The following CTBP2 variants were observed in gnomAD, a reference collection of about 807,000 sequenced individuals.
CTBP2 encodes the protein C-terminal binding protein 2.
In CTBP2, 30 loss-of-function variants were observed where a neutral mutation model predicts 80.3. The observed-to-expected ratio is 0.37, with a 90% CI of 0.28 to 0.51. CTBP2 has a LOEUF of 0.51. CTBP2 is among the 20% of genes least tolerant of loss of function. The pLI is 0.93. For synonymous variants in CTBP2, 594 were observed against 587.4 expected (o/e 1.01, Z -0.16); for missense variants, 1,212 against 1,375.3 (o/e 0.88, Z 1.88).
At chr10:125,074,253 C>T (rs946949828) in intron 2 of CTBP2, among the ~76,000 whole-genome samples, 2 of 152,192 alleles carry the variant, frequency 1.3e-5, no homozygotes, top group Non-Finnish European at 2.9e-5. Flanking sequence ...TAGCTCAGGG[C>T]AACAAGGATC....
chr10:125,146,117 AT>A (rs893753296), intron 1 of CTBP2, among the ~76,000 whole-genome samples: 1 of 152,092 alleles, frequency 6.6e-6, no homozygotes, highest in African/African-American at 2.4e-5. Context: ...AGAGACTAAA[AT>A]ATAATCTACA....
intron 2 of CTBP2, among the ~76,000 whole-genome samples, chr10:125,082,039 C>T (rs775942580): frequency 4.6e-5 from 7 of 152,200 alleles, no homozygotes; most frequent in South Asian, 2.1e-4. Flanking sequence ...GAATTCCACA[C>T]GGCCACAGTA....
At chr10:125,019,220 C>T (rs960047963) in intron 1 of CTBP2, among the ~76,000 whole-genome samples, 16 of 152,302 alleles carry the variant, frequency 1.1e-4, no homozygotes, top group Middle Eastern at 3.4e-3. Context: ...AAGCCAGCCT[C>T]AGAGTGGGAA....
chr10:125,138,678 A>C (rs1261115437), intron 1 of CTBP2, among the ~76,000 whole-genome samples: 10 of 152,064 alleles, frequency 6.6e-5, no homozygotes, highest in Non-Finnish European at 8.8e-5. Context: ...AAAAAAAAAA[A>C]AAAAACAGAC....
intron 1 of CTBP2, among the ~76,000 whole-genome samples, chr10:125,140,130 T>TC (rs1484637915): frequency 6.6e-6 from 1 of 151,952 alleles, no homozygotes; most frequent in Non-Finnish European, 1.5e-5. Context: ...AAGCTATGTA[T>TC]GTCTTTGGAG....
At chr10:124,996,439 G>A (rs1953587386) in intron 4 of CTBP2, 1 of 152,420 alleles carries the variant, frequency 6.6e-6, no homozygotes, top group African/African-American at 2.4e-5. Flanking sequence ...CACCTGGAAA[G>A]GGAACAAGGA....
At chr10:125,160,027 C>T (rs1207482449) in intron 1 of CTBP2, 1 of 150,068 alleles carries the variant, frequency 6.7e-6, no homozygotes, top group African/African-American at 2.5e-5. Context: ...CAACTCTCAT[C>T]ACAACAACAA....
intron 1 of CTBP2, among the ~76,000 whole-genome samples, chr10:125,011,326 T>A (rs1030800001): frequency 6.6e-6 from 1 of 152,086 alleles, no homozygotes; most frequent in African/African-American, 2.4e-5. Context: ...TCTGAATGAG[T>A]CACGATGTGA....
Position 124,994,700 on chromosome 10 carries a change from C to A in CTBP2, c.2186-17G>T. ...CCGTGCGACCTGTACAGAAACAGAG[C>A]GTCCAGGTGAGTGAGTCCACAGCCC... is the stretch of plus-strand genomic sequence containing the variant. On this transcript the variant is annotated splice_polypyrimidine_tract_variant and intron_variant, in intron 4 of 8. Transcript: ENST00000309035. The A allele has an allele frequency of 6.2e-7, 1 of 1,613,198 alleles. No individual in the cohort carries two copies. The highest frequency in any genetic ancestry group is 8.5e-7 in the Non-Finnish European group (1 of 1,179,180).
intron 1 of CTBP2, among the ~76,000 whole-genome samples, chr10:125,151,790 G>A (rs545028624): frequency 6.6e-6 from 1 of 152,294 alleles, no homozygotes; most frequent in African/African-American, 2.4e-5. Flanking sequence ...GGGGCCTCGC[G>A]GACCGGAGAG....
At chr10:125,033,966 A>G (rs3012074) in intron 3 of CTBP2, among the ~76,000 whole-genome samples, 60,243 of 151,918 alleles carry the variant, frequency 0.4, 13,347 homozygotes, top group East Asian at 0.63. Context: ...AAACTAGAAG[A>G]CGGTGATGAA....
intron 2 of CTBP2, among the ~76,000 whole-genome samples, chr10:125,065,534 G>T (rs1407136564): frequency 6.6e-6 from 1 of 152,114 alleles, no homozygotes; most frequent in Non-Finnish European, 1.5e-5. Flanking sequence ...CAGTATCAGG[G>T]AAATACCAAG....
chr10:125,132,671 G>A (rs533623664), intron 1 of CTBP2, among the ~76,000 whole-genome samples: 9 of 152,128 alleles, frequency 5.9e-5, no homozygotes, highest in Non-Finnish European at 1.3e-4. Context: ...GGCAAATCAA[G>A]CACCTTGGGT....
At chr10:125,132,938 T>C (rs1856417618) in intron 1 of CTBP2, among the ~76,000 whole-genome samples, 1 of 152,200 alleles carries the variant, frequency 6.6e-6, no homozygotes, top group South Asian at 2.1e-4. Context: ...ACGCTTAGAA[T>C]GACAGCCCCA....
intron 2 of CTBP2, among the ~76,000 whole-genome samples, chr10:125,104,257 A>G (rs903757199): frequency 6.6e-6 from 1 of 152,210 alleles, no homozygotes; most frequent in South Asian, 2.1e-4. Context: ...ATCAGTATAC[A>G]TTTATAAAGA....
At position 125,050,320 on chromosome 10, in the gene CTBP2, C is replaced by T. The variant is rs764419200; in HGVS notation, c.-101-11165G>A. Among the ~76,000 whole-genome samples, 86 of 152,320 alleles carry T rather than the reference C, an allele frequency of 5.6e-4. 1 individual carries two copies. Among genetic ancestry groups the T allele is most frequent in the Admixed American group, 5.9e-4 (9 of 15,302 alleles). On this transcript the variant is annotated intron_variant, in intron 2 of 10. Coordinates refer to the CTBP2 transcript ENST00000337195. ...AGAAAATCTCTAGATTCAAAGACAC[C>T]GCTTCCCAGACCTTATCTTTTCAAC...
intron 3 of CTBP2, 93 bp downstream of exon 3, chr10:125,038,904 G>T: frequency 8.1e-7 from 1 of 1,241,576 alleles, no homozygotes; most frequent in Non-Finnish European, 1.2e-6. Context: ...ACTCTGGCTT[G>T]GGGAGTGGCA....
chr10:125,003,500 G>A lies in CTBP2; in HGVS notation c.1679-8C>T, dbSNP rs1954818449. 7.7e-6 allele frequency: 12 copies of A among 1,551,032 alleles called. No homozygotes were observed. Among genetic ancestry groups the A allele is most frequent in the Non-Finnish European group, 9.5e-6 (11 of 1,152,500 alleles). On this transcript the variant is annotated splice_region_variant and splice_polypyrimidine_tract_variant and intron_variant, in intron 1 of 8. Coordinates refer to ENST00000309035, the MANE Select transcript of CTBP2 (RefSeq NM_022802.3). The stretch of plus-strand genomic sequence containing the variant: ...TGATCTGGGGGCGGATACCTGCCAG[G>A]AGGGAAGGGGTGAGCACAGTGGGTG...
chr10:124,988,019 T>C lies in CTBP2; in HGVS notation c.*1499A>G, dbSNP rs541342658. The C allele has an allele frequency of 6.5e-6, 1 of 152,778 alleles. No individual in the cohort carries two copies. Among genetic ancestry groups the C allele is most frequent in the African/African-American group, 2.4e-5 (1 of 41,582 alleles). The allele number at this position is 152,778 out of a possible 1,614,324, so 9.5% of individuals were successfully genotyped here. A position where few individuals can be genotyped will look rare whatever the true frequency, so the allele number is the denominator to read the frequency against. ...CTCCCTTGAACCAGGTCCAGGTCAT[T>C]TTGCTTTGGGGTAGATTAAAGTCAG... On this transcript the variant is annotated 3_prime_UTR_variant, in exon 9 of 9. Coordinates refer to ENST00000309035, the MANE Select transcript of CTBP2 (RefSeq NM_022802.3).
Sources: allele counts gnomAD v4.1 joint callset (sites outside exome capture counted in the v4.1 genomes callset), GRCh38; gene constraint gnomAD v4.1.1; transcripts MANE v1.5; gene names NCBI Gene and HGNC (gene_info 2026-07-23, HGNC 2026-07-21).